EAF2: variants seen among roughly 807,000 people sequenced by gnomAD.
The protein encoded by EAF2 is ELL-associated factor 2.
A neutral mutation model predicts 29.4 loss-of-function variants in EAF2; 29 were observed. The observed-to-expected ratio is 0.99, with a 90% CI of 0.73 to 1.35. The LOEUF (loss-of-function observed/expected upper bound fraction) is 1.35, where lower values mean the gene tolerates loss of function less well. Ranked by LOEUF, EAF2 falls within the 40% of genes most tolerant of loss-of-function variation. The pLI is 0.00. For synonymous variants in EAF2, 103 were observed against 102.5 expected (o/e 1.00, Z -0.03); for missense variants, 292 against 312.0 (o/e 0.94, Z 0.48).
chr3:121,884,179 A>C (rs539300294), intron 5 of EAF2, among the ~76,000 whole-genome samples: 34 of 151,860 alleles, frequency 2.2e-4, no homozygotes, highest in Admixed American at 2.0e-3. Context: ...CTCTACTAAA[A>C]ATACAAAAAA....
At chr3:121,868,409 G>A (rs560970172) in intron 4 of EAF2, among the ~76,000 whole-genome samples, 1 of 152,082 alleles carries the variant, frequency 6.6e-6, no homozygotes, top group African/African-American at 2.4e-5. Flanking sequence ...GACCAGCCTG[G>A]CCAACGTGGT....
intron 5 of EAF2, 172 bp downstream of exon 5, chr3:121,872,960 C>G (rs768144785): frequency 7.4e-5 from 78 of 1,056,134 alleles, no homozygotes; most frequent in Non-Finnish European, 9.7e-5. Flanking sequence ...TGACATAATG[C>G]CTTCTTGGTT....
intron 2 of EAF2, among the ~76,000 whole-genome samples, chr3:121,849,733 A>T (rs576934670): frequency 6.6e-6 from 1 of 152,012 alleles, no homozygotes; most frequent in Admixed American, 6.5e-5. Flanking sequence ...GTTTTCTCCA[A>T]TGGGTTTACT....
chr3:121,884,135 C>T (rs1218678116), intron 5 of EAF2, among the ~76,000 whole-genome samples: 1 of 151,720 alleles, frequency 6.6e-6, no homozygotes, highest in Non-Finnish European at 1.5e-5. Context: ...ATCAGGAGTT[C>T]GAGACCAGCC....
At chr3:121,856,428 C>T (rs943253379) in intron 3 of EAF2, among the ~76,000 whole-genome samples, 6 of 151,660 alleles carry the variant, frequency 4.0e-5, no homozygotes, top group Non-Finnish European at 7.4e-5. Flanking sequence ...ATCTTCCTTC[C>T]TCAGCCTCCG....
intron 5 of EAF2, among the ~76,000 whole-genome samples, chr3:121,885,659 A>G (rs1709269969): frequency 6.6e-6 from 1 of 152,018 alleles, no homozygotes; most frequent in Non-Finnish European, 1.5e-5. Context: ...TGGCCTGGTC[A>G]CTTCACCTCC....
chr3:121,845,440 C>CA (rs747436052), intron 2 of EAF2, among the ~76,000 whole-genome samples: 7,235 of 59,472 alleles, frequency 0.12, 825 homozygotes, highest in East Asian at 0.54. Context: ...TCCTACATCT[C>CA]AAAAAAAAAA....
At chr3:121,853,706 G>T (rs1250724590) in intron 2 of EAF2, among the ~76,000 whole-genome samples, 2 of 152,130 alleles carry the variant, frequency 1.3e-5, no homozygotes, top group Non-Finnish European at 2.9e-5. Context: ...TATTTAACTT[G>T]TTCCTCTATT....
intron 4 of EAF2, among the ~76,000 whole-genome samples, chr3:121,865,311 A>G (rs1708904753): frequency 6.6e-6 from 1 of 152,234 alleles, no homozygotes; most frequent in African/African-American, 2.4e-5. Flanking sequence ...ATCTCCAACC[A>G]TAAAGCTTTC....
chr3:121,845,193 G>A (rs1470521891), intron 2 of EAF2, among the ~76,000 whole-genome samples: 5 of 152,048 alleles, frequency 3.3e-5, no homozygotes, highest in Admixed American at 6.5e-5. Flanking sequence ...TAATCCCAGC[G>A]CTTTGGGAGG....
chr3:121,860,864 T>C (rs1322766351), intron 4 of EAF2, among the ~76,000 whole-genome samples: 1 of 152,218 alleles, frequency 6.6e-6, no homozygotes, highest in Non-Finnish European at 1.5e-5. Context: ...GATTCTGGTA[T>C]GTTGTGTCTT....
At chr3:121,866,716 C>T (rs2107532556) in intron 4 of EAF2, among the ~76,000 whole-genome samples, 1 of 151,442 alleles carries the variant, frequency 6.6e-6, no homozygotes, top group South Asian at 2.1e-4. Flanking sequence ...CAGAGCAAAA[C>T]TCCATCTTAA....
intron 3 of EAF2, among the ~76,000 whole-genome samples, chr3:121,855,400 G>A (rs985065510): frequency 6.6e-5 from 10 of 152,174 alleles, no homozygotes; most frequent in African/African-American, 2.4e-4. Flanking sequence ...TTAAGAAAAA[G>A]GAGAAGTAAT....
intron 2 of EAF2, among the ~76,000 whole-genome samples, chr3:121,852,669 A>G (rs1370113695): frequency 6.6e-6 from 1 of 152,140 alleles, no homozygotes; most frequent in African/African-American, 2.4e-5. Context: ...TACTCCTCCT[A>G]GTGCTCATTT....
intron 5 of EAF2, among the ~76,000 whole-genome samples, chr3:121,885,617 C>A (rs538126077): frequency 1.8e-4 from 27 of 152,328 alleles, no homozygotes; most frequent in Non-Finnish European, 2.4e-4. Flanking sequence ...CAAATATGCT[C>A]CTGCCTTGGG....
chr3:121,857,672 ATTTT>A (rs1331997476), intron 4 of EAF2, among the ~76,000 whole-genome samples: 1 of 151,872 alleles, frequency 6.6e-6, no homozygotes, highest in African/African-American at 2.4e-5. Flanking sequence ...AATTTGTATC[ATTTT>A]ATTTATTTTA....
At chr3:121,883,284 A>G (rs7647585) in intron 5 of EAF2, among the ~76,000 whole-genome samples, 128,845 of 152,164 alleles carry the variant, frequency 0.85, 55,048 homozygotes, top group East Asian at 0.92. Context: ...ACAGCTGCCT[A>G]TACAGACAAC....
intron 4 of EAF2, among the ~76,000 whole-genome samples, chr3:121,864,377 G>A (rs1708888331): frequency 6.6e-6 from 1 of 151,952 alleles, no homozygotes. Context: ...CGATACAACG[G>A]GTCTTGAATT....
chr3:121,861,932 C>T (rs560871454), intron 4 of EAF2, among the ~76,000 whole-genome samples: 10 of 152,274 alleles, frequency 6.6e-5, no homozygotes, highest in Non-Finnish European at 1.2e-4. Flanking sequence ...ACTTATGAAG[C>T]TTAGTGTGGC....
Sources: allele counts gnomAD v4.1 joint callset (sites outside exome capture counted in the v4.1 genomes callset), GRCh38; gene constraint gnomAD v4.1.1; transcripts MANE v1.5; gene names NCBI Gene and HGNC (gene_info 2026-07-23, HGNC 2026-07-21).